Variants in ZNF236 observed in about 807,000 individuals in gnomAD.
ZNF236 encodes regulated by glucose.
ZNF236 carries 50 observed loss-of-function variants against 191.2 expected under a neutral mutation model. That is an observed-to-expected ratio of 0.26 (90% CI 0.21 to 0.33). ZNF236 has a LOEUF of 0.33. ZNF236 is among the 10% of genes least tolerant of loss of function. The probability of loss-of-function intolerance (pLI) is 1.00; values close to 1 mark genes in which losing one functional copy is unlikely to be tolerated. For missense variants in ZNF236, 1,754 were observed against 2,374.5 expected, an observed-to-expected ratio of 0.74 and a Z score of 5.43; for synonymous variants, 907 against 928.8, an observed-to-expected ratio of 0.98 and a Z score of 0.43.
At chr18:76,957,385 C>T (rs1166676362) in intron 28 of ZNF236, among the ~76,000 whole-genome samples, 3 of 152,222 alleles carry the variant, frequency 2.0e-5, no homozygotes, top group Non-Finnish European at 4.4e-5. Context: ...AAGCCCAGGG[C>T]CCCACCTGTG....
intron 7 of ZNF236, among the ~76,000 whole-genome samples, chr18:76,879,168 G>A (rs2122637962): frequency 6.6e-6 from 1 of 152,260 alleles, no homozygotes; most frequent in African/African-American, 2.4e-5. Context: ...CATAGATGTA[G>A]TGAATAATCT....
At chr18:76,941,414 C>T (rs1034730074) in intron 26 of ZNF236, among the ~76,000 whole-genome samples, 4 of 152,232 alleles carry the variant, frequency 2.6e-5, no homozygotes, top group African/African-American at 9.6e-5. Context: ...CCCTCTGGCT[C>T]CTGCCTGGCC....
At chr18:76,864,934 G>C (rs923415247) in intron 3 of ZNF236, among the ~76,000 whole-genome samples, 2 of 152,028 alleles carry the variant, frequency 1.3e-5, no homozygotes, top group African/African-American at 4.8e-5. Flanking sequence ...AGTAATCCAG[G>C]AAGGGAAGAA....
At chr18:76,957,851 C>T (rs1968557789) in intron 28 of ZNF236, among the ~76,000 whole-genome samples, 1 of 152,198 alleles carries the variant, frequency 6.6e-6, no homozygotes, top group Non-Finnish European at 1.5e-5. Flanking sequence ...CTAGACAATA[C>T]CATTCTGGAC....
Position 76,878,024 on chromosome 18 carries a change from A to G in ZNF236, c.856A>G (p.Thr286Ala). 1.2e-6 allele frequency: 2 copies of G among 1,610,532 alleles called. No homozygotes were observed. Among genetic ancestry groups the G allele is most frequent in the Non-Finnish European group, 1.7e-6 (2 of 1,177,892 alleles). ...ATTCTTTAAGGTCAAGAATGGTCCT[A>G]CCTATAACTGTACAGAATGTAGTTG... is the stretch of plus-strand genomic sequence containing the variant. ...RVHSEVKNGP[T>A]YNCTECSCVF... Residue 286 changes from threonine (T) to alanine (A), a missense_variant, in exon 7 of 31, where the codon ACC (threonine) becomes GCC (alanine). Physicochemically the swap from Thr to Ala is moderately conservative, Grantham distance 58. Around this residue, in one of 5 missense-constraint regions of ZNF236, gnomAD observed 336 missense variants for 495.1 expected, o/e 0.68. Transcript: ENST00000320610.
rs1599399978 is a variant in ZNF236, at chr18:76,925,616, G to T, written c.4027+62G>T. On this transcript the variant is annotated intron_variant, in intron 22 of 30. Transcript: ENST00000320610. The surrounding 1 kb of genome is among the most constrained non-coding windows in gnomAD (Gnocchi z 5.7). Reference sequence around the variant, plus strand: ...GATTGAACTGTTCTGTGCTGCTTCTGTCTGTTCCCACGACAGAAGAGATGT... The same window carrying T: ...GATTGAACTGTTCTGTGCTGCTTCTTTCTGTTCCCACGACAGAAGAGATGT... 1 of 1,560,816 alleles carries T rather than the reference G, an allele frequency of 6.4e-7. No individual in the cohort carries two copies. The highest frequency in any genetic ancestry group is 8.7e-7 in the Non-Finnish European group (1 of 1,155,698).
At chr18:76,876,196 T>C (rs1256617099) in intron 6 of ZNF236, among the ~76,000 whole-genome samples, 1 of 152,228 alleles carries the variant, frequency 6.6e-6, no homozygotes, top group Non-Finnish European at 1.5e-5. Context: ...CTACAGAGCA[T>C]ACTGATGTGT....
In ZNF236 at chr18:76,937,309, G is replaced by A; in HGVS notation, c.4748G>A (p.Gly1583Asp). Residue 1583 changes from glycine to aspartate, a missense_variant, in exon 26 of 31, where the codon GGC becomes GAC. This residue lies in a region of ZNF236 where 606 missense variants were observed against 761.5 expected (regional missense o/e 0.80). Coordinates refer to ENST00000320610, the MANE Select transcript of ZNF236 (RefSeq NM_001306089.2). ...GATACTCAGGGTATGCTATCTGGAG[G>A]CCTGGACACTGTCACACTCAACATC... ...LADTQGMLSG[G>D]LDTVTLNITS... The A allele has an allele frequency of 6.2e-7, 1 of 1,613,772 alleles. No homozygotes were observed. Among genetic ancestry groups the A allele is most frequent in the Non-Finnish European group, 8.5e-7 (1 of 1,179,878 alleles).
intron 25 of ZNF236, among the ~76,000 whole-genome samples, chr18:76,930,757 G>A (rs2122855895): frequency 6.6e-6 from 1 of 152,260 alleles, no homozygotes; most frequent in Middle Eastern, 3.4e-3. Flanking sequence ...ATACCTGGCA[G>A]TGCACTATAT....
At chr18:76,905,472 G>A (rs1467930100) in intron 13 of ZNF236, 57 bp downstream of exon 13, 6 of 1,560,688 alleles carry the variant, frequency 3.8e-6, no homozygotes, top group Non-Finnish European at 5.2e-6. Context: ...AGTAGATGGT[G>A]GGGAGTGTTT....
chr18:76,894,445 A>AT lies in ZNF236; in HGVS notation c.1418-560dup, dbSNP rs778028889. Among the ~76,000 whole-genome samples, 21 of 152,116 alleles carry AT rather than the reference A, an allele frequency of 1.4e-4. No homozygotes were observed. The East Asian group carries it at 2.1e-3, about 15-fold the overall frequency. Reference sequence around the variant, plus strand: ...CTTACTATATTTCCATCAATTTGTGATTTTTTTTCTATTAGAAATAGTTTT... The same window carrying AT: ...CTTACTATATTTCCATCAATTTGTGATTTTTTTTTCTATTAGAAATAGTTTT... On this transcript the variant is annotated intron_variant, in intron 9 of 30. Coordinates refer to ENST00000320610, the MANE Select transcript of ZNF236 (RefSeq NM_001306089.2).
chr18:76,915,066 T>C (rs1035977522), intron 18 of ZNF236, among the ~76,000 whole-genome samples: 4 of 152,120 alleles, frequency 2.6e-5, no homozygotes, highest in African/African-American at 7.2e-5. Context: ...AGAGCAGCAA[T>C]ATATGACTTT....
rs180980724 is a variant in ZNF236 at position 76,883,884 on chromosome 18, G to A, written c.1417+2372G>A. Among the ~76,000 whole-genome samples the A allele has an allele frequency of 1.1e-3, 175 of 152,214 alleles. 1 individual carries two copies. Among genetic ancestry groups the A allele is most frequent in the African/African-American group, 3.6e-3 (148 of 41,534 alleles). On this transcript the variant is annotated intron_variant, in intron 9 of 30. Transcript: ENST00000320610. ...CCATGAGGAAAACTATTCTTGTCTC[G>A]TAAGTCATAACATTAATTGCTTATA...
In ZNF236 at chr18:76,855,348, C is replaced by T. The variant is rs552317426; in HGVS notation, c.363+3409C>T. ...GAAGGCTATAGAGAGCAAAAAGTTA[C>T]GTCTCCTTTGGGTTCCTAAGTTCCA... On this transcript the variant is annotated intron_variant, in intron 3 of 30. Coordinates refer to ENST00000320610, the MANE Select transcript of ZNF236 (RefSeq NM_001306089.2). Among the ~76,000 whole-genome samples, 16 of 152,344 alleles carry T rather than the reference C, an allele frequency of 1.1e-4. No individual in the cohort carries two copies. In the South Asian group the frequency reaches 2.7e-3, roughly 26 times the overall value.
At chr18:76,877,567 T>C (rs1976752839) in intron 6 of ZNF236, among the ~76,000 whole-genome samples, 1 of 152,174 alleles carries the variant, frequency 6.6e-6, no homozygotes, top group Admixed American at 6.5e-5. Context: ...AAAGTTCATA[T>C]ATCATTATGA....
chr18:76,835,029 A>C (rs1245207263), intron 1 of ZNF236: 9 of 154,802 alleles, frequency 5.8e-5, no homozygotes, highest in Admixed American at 3.5e-4. Flanking sequence ...ACTAATTTTC[A>C]GCCTTTCTTA....
chr18:76,849,478 T>C, intron 1 of ZNF236, 48 bp from the exon 2 acceptor site: 1 of 1,445,138 alleles, frequency 6.9e-7, no homozygotes, highest in East Asian at 2.6e-5. Flanking sequence ...ATTTATGTGA[T>C]GAGAATAACA....
intron 14 of ZNF236, among the ~76,000 whole-genome samples, chr18:76,908,963 CTGTGTGTGTGTG>C (rs10524379): frequency 0.35 from 51,216 of 146,922 alleles, 10,030 homozygotes; most frequent in Middle Eastern, 0.51. Flanking sequence ...ATGTGTGTGT[CTGTGTGTGTGTG>C]TGTGTGTGTG....
chr18:76,911,492 A>C (rs1318925270), intron 16 of ZNF236, among the ~76,000 whole-genome samples: 3 of 152,240 alleles, frequency 2.0e-5, no homozygotes, highest in Non-Finnish European at 4.4e-5. Context: ...TTTACTCCAG[A>C]GCTCTCTAAA....
Sources: allele counts gnomAD v4.1 joint callset (sites outside exome capture counted in the v4.1 genomes callset), GRCh38; gene constraint gnomAD v4.1.1; regional missense constraint gnomAD v4.1.1; non-coding constraint Gnocchi (gnomAD v3.1); transcripts MANE v1.5; gene names NCBI Gene and HGNC (gene_info 2026-07-23, HGNC 2026-07-21).